The following CLMN variants were observed in gnomAD, a reference collection of about 807,000 sequenced individuals.
CLMN encodes the protein calmin.
A neutral mutation model predicts 92.7 loss-of-function variants in CLMN; 57 were observed. The ratio of observed to expected loss-of-function variants is 0.61; its 90% CI spans 0.50 to 0.77. CLMN has a LOEUF of 0.77. Among genes scored for constraint, CLMN ranks in the 30% least tolerant of loss-of-function variants. The pLI is 0.00. For synonymous variants in CLMN, 466 were observed against 470.6 expected (o/e 0.99, Z 0.13); for missense variants, 1,158 against 1,237.5 (o/e 0.94, Z 0.96).
intron 1 of CLMN, among the ~76,000 whole-genome samples, chr14:95,246,010 G>A (rs974177024): frequency 3.9e-5 from 6 of 152,090 alleles, no homozygotes; most frequent in Non-Finnish European, 5.9e-5. Flanking sequence ...ATATTCCCTC[G>A]TATTAATCAT....
intron 1 of CLMN, among the ~76,000 whole-genome samples, chr14:95,258,442 G>A (rs775794594): frequency 6.6e-6 from 1 of 151,308 alleles, no homozygotes; most frequent in South Asian, 2.1e-4. Flanking sequence ...TATGTGTGGT[G>A]TGGTTGTGTG....
Position 95,196,642 on chromosome 14 carries a change from A to C in CLMN, c.2564T>G (p.Val855Gly). ...ENIANPLEEN[V>G]TKESISSKKK... ...TTTACTACTGATTGATTCTTTCGTT[A>C]CATTTTCTTCTAGGGGGTTTGCTAT... Residue 855 changes from valine to glycine, a missense_variant, in exon 10 of 13, where the codon GTA (valine) becomes GGA (glycine). Coordinates refer to ENST00000298912, the MANE Select transcript of CLMN (RefSeq NM_024734.4). The C allele has an allele frequency of 6.2e-7, 1 of 1,613,876 alleles. No individual in the cohort carries two copies. Among genetic ancestry groups the C allele is most frequent in the Non-Finnish European group, 8.5e-7 (1 of 1,179,966 alleles).
At chr14:95,289,107 G>A (rs1482695991) in intron 1 of CLMN, among the ~76,000 whole-genome samples, 1 of 152,240 alleles carries the variant, frequency 6.6e-6, no homozygotes, top group African/African-American at 2.4e-5. Context: ...CTGCATCTGA[G>A]TGGCGGTGCC....
At chr14:95,209,278 C>T in intron 8 of CLMN, 117 bp downstream of exon 8, 2 of 855,258 alleles carry the variant, frequency 2.3e-6, no homozygotes, top group Non-Finnish European at 4.0e-6. Flanking sequence ...TTGGGAGCAA[C>T]TGGCGATTTT....
At chr14:95,289,522 C>CAAACAAAA (rs1900479091) in intron 1 of CLMN, among the ~76,000 whole-genome samples, 2 of 148,950 alleles carry the variant, frequency 1.3e-5, no homozygotes, top group Non-Finnish European at 3.0e-5. Context: ...AACAAACAAA[C>CAAACAAAA]AAAAAAACCG....
chr14:95,292,050 T>A (rs1437638683), intron 1 of CLMN, among the ~76,000 whole-genome samples: 2 of 152,260 alleles, frequency 1.3e-5, no homozygotes, highest in Non-Finnish European at 2.9e-5. Flanking sequence ...CTGGCCTCAC[T>A]GCAAGCCCGA....
At chr14:95,237,089 C>T (rs1410318509) in intron 1 of CLMN, among the ~76,000 whole-genome samples, 1 of 152,222 alleles carries the variant, frequency 6.6e-6, no homozygotes, top group Non-Finnish European at 1.5e-5. Flanking sequence ...TCATTTTGGA[C>T]AAGTTACTGG....
At chr14:95,318,185 C>G (rs962249643) in intron 1 of CLMN, among the ~76,000 whole-genome samples, 5 of 152,148 alleles carry the variant, frequency 3.3e-5, no homozygotes, top group Admixed American at 6.5e-5. Flanking sequence ...CAATGGTTGC[C>G]TAAGACAGAC....
rs765335054 is a variant in CLMN, at chr14:95,232,971, G to A, written c.83-2838C>T. 3.9e-5 allele frequency among the ~76,000 whole-genome samples: 6 copies of A among 152,262 alleles called. No individual in the cohort carries two copies. In the South Asian group the frequency reaches 1.0e-3, roughly 26 times the overall value. ...ACATATGAATATATTTCTTACCCGT[G>A]ACAACTAAAAGTGGAACTGCTGGGT... On this transcript the variant is annotated intron_variant, in intron 1 of 12. Coordinates refer to ENST00000298912, the MANE Select transcript of CLMN (RefSeq NM_024734.4).
At chr14:95,250,091 A>T (rs371862240) in intron 1 of CLMN, among the ~76,000 whole-genome samples, 2 of 152,242 alleles carry the variant, frequency 1.3e-5, no homozygotes, top group Non-Finnish European at 2.9e-5. Flanking sequence ...GCCACTGCTA[A>T]GAATGACTGA....
chr14:95,221,866 T>TCACATGAATTTCAAGAAA (rs1897553707), intron 3 of CLMN, 92 bp from the exon 4 acceptor site: 1 of 1,245,416 alleles, frequency 8.0e-7, no homozygotes, highest in East Asian at 2.4e-5. Context: ...TTTACTTTTT[T>TCACATGAATTTCAAGAAA]CACATGAATT....
intron 1 of CLMN, among the ~76,000 whole-genome samples, chr14:95,247,233 G>A (rs2140670825): frequency 6.6e-6 from 1 of 152,336 alleles, no homozygotes; most frequent in South Asian, 2.1e-4. Context: ...TTCTGGCACT[G>A]AGCCACTGTG....
rs532842989 is a variant in CLMN at position 95,194,685 on chromosome 14, G to A, written c.2709-89C>T. The A allele has an allele frequency of 2.4e-4, 306 of 1,262,708 alleles. No homozygotes were observed. The African/African-American group carries it at 3.6e-3, about 15-fold the overall frequency. The allele number at this position is 1,262,708 out of a possible 1,614,324, so 78.2% of individuals were successfully genotyped here. A position where few individuals can be genotyped will look rare whatever the true frequency, so the allele number is the denominator to read the frequency against. On this transcript the variant is annotated intron_variant, in intron 10 of 12. Transcript: ENST00000298912. This position sits in a 1 kb window ranked among gnomAD's most constrained non-coding sequence, Gnocchi z 4.0. ...GTCACCCCCATCCTGGGGTTTCCAC[G>A]TATGGGTTTAGGCAAGCGACAACTT...
At chr14:95,226,878 C>T (rs370658256) in intron 2 of CLMN, among the ~76,000 whole-genome samples, 4 of 152,132 alleles carry the variant, frequency 2.6e-5, no homozygotes, top group African/African-American at 9.7e-5. Context: ...CATGACCGGC[C>T]GAAACCCGAT....
chr14:95,298,517 C>T (rs1900907529), intron 1 of CLMN, among the ~76,000 whole-genome samples: 1 of 152,210 alleles, frequency 6.6e-6, no homozygotes, highest in Non-Finnish European at 1.5e-5. Flanking sequence ...ATAGTAACCT[C>T]AGTCGCAGGA....
At chr14:95,222,786 C>A (rs1897590727) in intron 3 of CLMN, among the ~76,000 whole-genome samples, 1 of 152,132 alleles carries the variant, frequency 6.6e-6, no homozygotes, top group South Asian at 2.1e-4. Context: ...TTGTGTTTTG[C>A]CATTGGGAAA....
rs776685498 is a variant in CLMN at position 95,319,827 on chromosome 14, G to C, written c.-35C>G. ...GCGGGAGAGCCCGGGCCAGCGCGGC[G>C]CGGGCGGCGGGCGCGGAGAGCCTGG... On this transcript the variant is annotated 5_prime_UTR_variant, in exon 1 of 13. Transcript: ENST00000298912. 7.9e-7 allele frequency: 1 copy of C among 1,260,066 alleles called. No individual in the cohort carries two copies. The highest frequency in any genetic ancestry group is 2.3e-5 in the South Asian group (1 of 42,928). 78.1% of individuals were successfully genotyped at this position (1,260,066 alleles called of 1,614,324 possible).
chr14:95,184,372 TATTCTTGACA>T lies in CLMN; in HGVS notation c.*7182_*7191del, dbSNP rs1360241732. ...TAAAGAGAACACTGCTAGATGAAGC[TATTCTTGACA>T]TCTGAGTGTCAGGGATTTAAACAAA... On this transcript the variant is annotated 3_prime_UTR_variant, in exon 13 of 13. Coordinates refer to ENST00000298912, the MANE Select transcript of CLMN (RefSeq NM_024734.4). 1 of 152,254 alleles carries T rather than the reference TATTCTTGACA, an allele frequency of 6.6e-6. No homozygotes were observed. The highest frequency in any genetic ancestry group is 1.5e-5 in the Non-Finnish European group (1 of 68,044). The allele number at this position is 152,254 out of a possible 1,614,324, so 9.4% of individuals were successfully genotyped here.
rs1326283155 is a variant in CLMN, at chr14:95,203,306, AC to A, written c.2042del (p.Gly681ValfsTer64). The A allele has an allele frequency of 6.2e-7, 1 of 1,614,110 alleles. No homozygotes were observed. The highest frequency in any genetic ancestry group is 1.7e-5 in the Admixed American group (1 of 60,012). ...GGCTGGAAGATAATTCCTCGCCCAC[AC>A]CCTGGAGGTCATCGTCTTCTCCCTC... ...EEEGEDDDLQ[G>X]VGEELSSSPP... On this transcript the variant is annotated frameshift_variant, in exon 9 of 13. Coordinates refer to ENST00000298912, the MANE Select transcript of CLMN (RefSeq NM_024734.4). LOFTEE classifies it high-confidence loss of function.
Sources: gnomAD v4.1 joint callset for allele counts (sites outside exome capture counted in the v4.1 genomes callset) on GRCh38, gnomAD v4.1.1 for gene constraint, Gnocchi (gnomAD v3.1) non-coding constraint, MANE v1.5 for transcripts, NCBI Gene and HGNC (gene_info 2026-07-23, HGNC 2026-07-21) for gene names.